The following ABCA10 variants were observed in gnomAD, a reference collection of about 807,000 sequenced individuals.
ABCA10 encodes ATP binding cassette subfamily A member 10.
ABCA10 carries 169 observed loss-of-function variants against 187.5 expected under a neutral mutation model. The ratio of observed to expected loss-of-function variants is 0.90; its 90% confidence interval spans 0.80 to 1.02. The LOEUF (loss-of-function observed/expected upper bound fraction) is 1.02. Among genes scored for constraint, ABCA10 ranks in the 50% least tolerant of loss-of-function variants. The pLI, the probability that ABCA10 is intolerant of heterozygous loss-of-function variation, is 0.00. For missense variants in ABCA10, 1,727 were observed against 1,812.4 expected (o/e 0.95, Z 0.86); for synonymous variants, 574 against 601.8 (o/e 0.95, Z 0.68).
Position 69,214,715 on chromosome 17 carries a change from C to G in ABCA10, c.995G>C (p.Arg332Pro). The G allele has an allele frequency of 6.7e-7, 1 of 1,503,712 alleles. No individual in the cohort carries two copies. Among genetic ancestry groups the G allele is most frequent in the East Asian group, 2.7e-5 (1 of 37,544 alleles). The allele number at this position is 1,503,712 out of a possible 1,614,324, so 93.1% of individuals were successfully genotyped here. Reference sequence around the variant, plus strand: ...CACTATTAACTTACCAGGTAAAACTCGCTCAAAATATAATGTGAATATCAA... The same window carrying G: ...CACTATTAACTTACCAGGTAAAACTGGCTCAAAATATAATGTGAATATCAA... ...FYLIFTLYFE[R>P]VLPDKDGHGD... The change falls in exon 9 of 39, where the codon CGA (arginine) becomes CCA (proline). Residue 332 changes from arginine (R) to proline (P), a missense_variant. Coordinates refer to ENST00000690296, the MANE Select transcript of ABCA10 (RefSeq NM_001377321.1).
intron 27 of ABCA10, 135 bp downstream of exon 27, chr17:69,163,939 T>C (rs976046419): frequency 1.7e-6 from 1 of 577,160 alleles, no homozygotes; most frequent in African/African-American, 2.0e-5. Flanking sequence ...TAGTTCTTGC[T>C]GCCATTATAT....
chr17:69,158,513 A>G (rs1020701977), intron 27 of ABCA10, among the ~76,000 whole-genome samples: 1 of 151,968 alleles, frequency 6.6e-6, no homozygotes, highest in Non-Finnish European at 1.5e-5. Flanking sequence ...CTGAATATAC[A>G]CAAAAGGGAA....
At chr17:69,201,313 C>G (rs941009455) in intron 10 of ABCA10, among the ~76,000 whole-genome samples, 187 bp downstream of exon 10, 14 of 152,086 alleles carry the variant, frequency 9.2e-5, no homozygotes. Flanking sequence ...TGATAGGTCT[C>G]TTAAATTTTA....
intron 9 of ABCA10, among the ~76,000 whole-genome samples, chr17:69,206,582 G>C (rs1374636934): frequency 6.6e-6 from 1 of 152,208 alleles, no homozygotes; most frequent in East Asian, 1.9e-4. Flanking sequence ...CTCACCACTT[G>C]AGGAAATGAG....
At chr17:69,223,743 C>T (rs754169945) in intron 3 of ABCA10, 1 of 391,404 alleles carries the variant, frequency 2.6e-6, no homozygotes, top group South Asian at 1.8e-5. Context: ...AAGGCCAAAC[C>T]ATGAATATTT....
chr17:69,152,234 G>C, intron 35 of ABCA10, 51 bp from the exon 36 acceptor site: 3 of 1,582,734 alleles, frequency 1.9e-6, no homozygotes, highest in Non-Finnish European at 2.6e-6. Flanking sequence ...TTTCTTCCTC[G>C]GTTCTCACTG....
chr17:69,205,863 TA>T (rs1458727177), intron 9 of ABCA10, among the ~76,000 whole-genome samples: 1 of 152,138 alleles, frequency 6.6e-6, no homozygotes, highest in East Asian at 1.9e-4. Flanking sequence ...TGTTGCCTAT[TA>T]AAAGCTAATT....
intron 18 of ABCA10, among the ~76,000 whole-genome samples, chr17:69,188,654 A>G (rs561771007): frequency 3.9e-5 from 6 of 151,916 alleles, no homozygotes; most frequent in African/African-American, 1.4e-4. Flanking sequence ...CCAGGTAATC[A>G]GCATAATACC....
At chr17:69,202,141 C>T (rs947179873) in intron 9 of ABCA10, among the ~76,000 whole-genome samples, 5 of 151,894 alleles carry the variant, frequency 3.3e-5, no homozygotes, top group Non-Finnish European at 7.4e-5. Flanking sequence ...CTGTGGCTTT[C>T]GATAAGTTAT....
At chr17:69,200,553 C>G (rs745663697) in intron 10 of ABCA10, among the ~76,000 whole-genome samples, 2 of 152,196 alleles carry the variant, frequency 1.3e-5, no homozygotes, top group African/African-American at 2.4e-5. Flanking sequence ...ACTGATGGCT[C>G]TCCCTGCTTT....
At chr17:69,223,154 T>A (rs867720568) in intron 3 of ABCA10, among the ~76,000 whole-genome samples, 3 of 152,168 alleles carry the variant, frequency 2.0e-5, no homozygotes, top group South Asian at 4.1e-4. Flanking sequence ...CAACTTTTTT[T>A]AAAGTAGATA....
Position 69,154,709 on chromosome 17 carries a change from C to G in ABCA10, c.3694+310G>C, listed in dbSNP as rs2074160424. Among the ~76,000 whole-genome samples, 3 of 152,150 alleles carry G rather than the reference C, an allele frequency of 2.0e-5. No homozygotes were observed. The South Asian group carries it at 6.2e-4, about 32-fold the overall frequency. ...GTATTAGGATTAGAGGCACGAGCCA[C>G]CGTGGCCACCTCAAAATAACATTTC... On this transcript the variant is annotated intron_variant, in intron 30 of 38. Transcript: ENST00000690296.
intron 6 of ABCA10, 37 bp from the exon 7 acceptor site, chr17:69,216,395 A>G: frequency 6.3e-7 from 1 of 1,579,140 alleles, no homozygotes; most frequent in Non-Finnish European, 8.6e-7. Context: ...AACTGTCACA[A>G]ACATAAATGT....
chr17:69,187,617 T>A, intron 19 of ABCA10, 64 bp downstream of exon 19: 2 of 1,443,948 alleles, frequency 1.4e-6, no homozygotes, highest in Non-Finnish European at 1.9e-6. Flanking sequence ...TATATTTACT[T>A]TCTTAATATT....
rs1291748383 is a variant in ABCA10, at chr17:69,215,852, A to G, written c.821T>C (p.Leu274Pro). The change falls in exon 8 of 39, where the codon CTT becomes CCT. Residue 274 changes from leucine (L) to proline (P), a missense_variant. By Grantham distance (98) the Leu-to-Pro change is moderately conservative. Transcript: ENST00000690296. The stretch of plus-strand genomic sequence containing the variant: ...AGCAGTGAAGGCAAAAGGGCTAAGA[A>G]GACTTAATACCCATCCCAAAGATAA... ...LPLSLGWVLS[L>P]LSPFAFTAGM... 6.2e-7 allele frequency: 1 copy of G among 1,605,458 alleles called. No individual in the cohort carries two copies. The highest frequency in any genetic ancestry group is 1.3e-5 in the African/African-American group (1 of 74,558).
intron 25 of ABCA10, among the ~76,000 whole-genome samples, chr17:69,165,624 G>A (rs1035844537): frequency 4.6e-5 from 7 of 152,112 alleles, no homozygotes; most frequent in Non-Finnish European, 1.0e-4. Flanking sequence ...CAGACTGTTA[G>A]TCGTTTCCTA....
Position 69,215,868 on chromosome 17 carries a change from C to A in ABCA10, c.805G>T (p.Gly269Ter). The A allele has an allele frequency of 1.9e-6, 3 of 1,613,292 alleles. No individual in the cohort carries two copies. The highest frequency in any genetic ancestry group is 2.5e-6 in the Non-Finnish European group (3 of 1,179,768). Reference protein sequence around the residue: ...VLYRQLPLSLGWVLSLLSPFA... With the variant: ...VLYRQLPLSL ...GGGCTAAGAAGACTTAATACCCATCCCAAAGATAAAGGAAGTTGTCTATAT... is the reference window on the plus strand; with the variant it reads ...GGGCTAAGAAGACTTAATACCCATCACAAAGATAAAGGAAGTTGTCTATAT... The change falls in exon 8 of 39, where the codon GGA becomes TGA. Residue 269 changes from glycine (G) to a stop codon, truncating the protein, a stop_gained. Transcript: ENST00000690296. LOFTEE classifies it high-confidence loss of function.
chr17:69,210,847 C>CATATTTATGCCACATATATATATATATAT (rs2074640665), intron 9 of ABCA10, among the ~76,000 whole-genome samples: 1 of 37,888 alleles, frequency 2.6e-5, no homozygotes, highest in Non-Finnish European at 9.2e-5. Context: ...ATTTATGCCA[C>CATATTTATGCCACATATATATATATATAT]ATATATATAT....
chr17:69,236,923 C>T (rs572081592), intron 1 of ABCA10, among the ~76,000 whole-genome samples: 1 of 152,052 alleles, frequency 6.6e-6, no homozygotes, highest in Non-Finnish European at 1.5e-5. Context: ...GGTTAAGATA[C>T]CCTGTATTAA....
Sources: gnomAD v4.1 joint callset for allele counts (sites outside exome capture counted in the v4.1 genomes callset) on GRCh38, gnomAD v4.1.1 for gene constraint, MANE v1.5 for transcripts, NCBI Gene and HGNC (gene_info 2026-07-23, HGNC 2026-07-21) for gene names.